USP32: variants seen among roughly 807,000 people sequenced by gnomAD.
The protein encoded by USP32 is ubiquitin specific peptidase 32.
In USP32, 59 loss-of-function variants were observed where a neutral mutation model predicts 204.8. That is an observed-to-expected ratio of 0.29 (90% CI 0.23 to 0.36). The LOEUF is 0.36. USP32 is among the 10% of genes least tolerant of loss of function. The probability of loss-of-function intolerance (pLI) is 1.00; values close to 1 mark genes in which losing one functional copy is unlikely to be tolerated. For missense variants in USP32, 1,160 were observed against 1,946.4 expected (o/e 0.60, Z 7.60); for synonymous variants, 517 against 678.4 (o/e 0.76, Z 3.70).
At chr17:60,328,835 C>A (rs926471971) in intron 2 of USP32, among the ~76,000 whole-genome samples, 13 of 152,232 alleles carry the variant, frequency 8.5e-5, no homozygotes, top group African/African-American at 2.9e-4. Context: ...GAAGGCAACG[C>A]CCATGCCAGC....
At chr17:60,228,990 T>C (rs2085473454) in intron 12 of USP32, among the ~76,000 whole-genome samples, 1 of 152,060 alleles carries the variant, frequency 6.6e-6, no homozygotes, top group Non-Finnish European at 1.5e-5. Context: ...AAAGAAAATT[T>C]TCCATAAACA....
At chr17:60,247,975 C>T (rs1018108638) in intron 11 of USP32, among the ~76,000 whole-genome samples, 2 of 152,170 alleles carry the variant, frequency 1.3e-5, no homozygotes, top group African/African-American at 2.4e-5. Context: ...TGAGCCACCA[C>T]GCCTGGCCTG....
At chr17:60,415,759 A>G (rs1011999300) in intron 1 of USP32, among the ~76,000 whole-genome samples, 3 of 152,142 alleles carry the variant, frequency 2.0e-5, no homozygotes, top group Admixed American at 2.0e-4. Context: ...GTCTTTATAC[A>G]ATTCTAATTG....
intron 5 of USP32, among the ~76,000 whole-genome samples, chr17:60,274,069 GA>G (rs1270101299): frequency 6.6e-6 from 1 of 151,344 alleles, no homozygotes; most frequent in Non-Finnish European, 1.5e-5. Context: ...AGTATCTCAG[GA>G]ATTAAAGAAA....
chr17:60,375,601 GTTGT>G (rs145397314), intron 1 of USP32, among the ~76,000 whole-genome samples: 8,711 of 152,004 alleles, frequency 0.057, 852 homozygotes, highest in African/African-American at 0.2. Context: ...GTGTTTTGTT[GTTGT>G]TTGTTTGTTT....
chr17:60,376,024 T>C (rs1158353292), intron 1 of USP32, among the ~76,000 whole-genome samples: 1 of 152,096 alleles, frequency 6.6e-6, no homozygotes, highest in Non-Finnish European at 1.5e-5. Flanking sequence ...CTCAATCTTT[T>C]GCCAATTATA....
At chr17:60,346,155 G>A (rs1008424027) in intron 1 of USP32, among the ~76,000 whole-genome samples, 3 of 151,526 alleles carry the variant, frequency 2.0e-5, no homozygotes, top group Non-Finnish European at 1.5e-5. Flanking sequence ...ATGTTGCCCA[G>A]GCTGGTCTTG....
upstream of USP32, among the ~76,000 whole-genome samples, chr17:60,394,469 C>A (rs1333513215): frequency 2.0e-5 from 3 of 152,086 alleles, no homozygotes; most frequent in East Asian, 5.8e-4. Context: ...TGGCACTTGC[C>A]CCACTTGAAA....
chr17:60,276,609 T>C (rs541088438), intron 5 of USP32, among the ~76,000 whole-genome samples: 1 of 152,308 alleles, frequency 6.6e-6, no homozygotes, highest in African/African-American at 2.4e-5. Flanking sequence ...GAGAATATAA[T>C]AGGTGTTCAA....
In USP32 at chr17:60,408,185, A is replaced by T. The variant is rs146667931; in HGVS notation, c.106+14061T>A. ...ATTTATACCAAGAAGCAGGGGGGAA[A>T]AATCAGGTGACAGACATGGACCCAG... is the stretch of plus-strand genomic sequence containing the variant. On this transcript the variant is annotated intron_variant, in intron 1 of 3. Coordinates refer to the USP32 transcript ENST00000588898. 6.8e-3 allele frequency among the ~76,000 whole-genome samples: 1,041 copies of T among 152,246 alleles called. 14 individuals carry two copies. Among genetic ancestry groups the T allele is most frequent in the African/African-American group, 0.024 (1,000 of 41,544 alleles).
intron 23 of USP32, among the ~76,000 whole-genome samples, 184 bp downstream of exon 23, chr17:60,208,469 CA>C (rs1319632299): frequency 6.6e-6 from 1 of 151,844 alleles, no homozygotes; most frequent in Non-Finnish European, 1.5e-5. Flanking sequence ...TATTTGAAAC[CA>C]AAAAAACATG....
At chr17:60,297,641 A>G (rs1245703766) in intron 3 of USP32, among the ~76,000 whole-genome samples, 1 of 151,846 alleles carries the variant, frequency 6.6e-6, no homozygotes, top group Non-Finnish European at 1.5e-5. Flanking sequence ...GGGTTTCACC[A>G]TATTAGTCAG....
intron 1 of USP32, among the ~76,000 whole-genome samples, chr17:60,381,288 A>G (rs1305566258): frequency 6.6e-6 from 1 of 152,028 alleles, no homozygotes; most frequent in Admixed American, 6.6e-5. Context: ...AACAAAATAA[A>G]AAAATTAGCC....
intron 1 of USP32, among the ~76,000 whole-genome samples, chr17:60,401,233 G>A (rs551754275): frequency 6.2e-4 from 94 of 151,826 alleles, no homozygotes; most frequent in Middle Eastern, 3.4e-3. Flanking sequence ...AGGTGGGCGT[G>A]GTGGTGGGCG....
intron 11 of USP32, among the ~76,000 whole-genome samples, chr17:60,242,779 A>G (rs370320380): frequency 2.7e-5 from 4 of 150,838 alleles, no homozygotes; most frequent in South Asian, 2.1e-4. Flanking sequence ...TACTTGATTA[A>G]TGTATCCTTA....
At chr17:60,273,837 G>A (rs1157033339) in intron 5 of USP32, among the ~76,000 whole-genome samples, 1 of 151,802 alleles carries the variant, frequency 6.6e-6, no homozygotes, top group Non-Finnish European at 1.5e-5. Flanking sequence ...GCGGGTGCCT[G>A]TAGTCCCAGC....
intron 2 of USP32, among the ~76,000 whole-genome samples, chr17:60,344,429 T>C (rs2088735930): frequency 6.6e-6 from 1 of 152,074 alleles, no homozygotes; most frequent in Non-Finnish European, 1.5e-5. Flanking sequence ...TGCCCAGCCA[T>C]AGTTTTTATT....
intron 12 of USP32, among the ~76,000 whole-genome samples, chr17:60,230,678 T>C (rs2085523845): frequency 6.6e-6 from 1 of 152,226 alleles, no homozygotes; most frequent in Non-Finnish European, 1.5e-5. Flanking sequence ...ATGCTCTCAC[T>C]GTTCTCCACT....
chr17:60,363,417 T>C (rs1464643523), intron 1 of USP32, among the ~76,000 whole-genome samples: 5 of 134,570 alleles, frequency 3.7e-5, no homozygotes. Context: ...ATTGCGCCAC[T>C]GCACTTCGGC....
Sources: gnomAD v4.1 joint callset for allele counts (sites outside exome capture counted in the v4.1 genomes callset) on GRCh38, gnomAD v4.1.1 for gene constraint, MANE v1.5 for transcripts, NCBI Gene and HGNC (gene_info 2026-07-23, HGNC 2026-07-21) for gene names.